Variants in RNF149 observed in about 807,000 individuals in gnomAD.
The protein encoded by RNF149 is ring finger protein 149, also known as E3 ubiquitin-protein ligase RNF149.
A neutral mutation model predicts 39.0 loss-of-function variants in RNF149; 21 were observed. The ratio of observed to expected loss-of-function variants is 0.54; its 90% confidence interval spans 0.38 to 0.77. The LOEUF (loss-of-function observed/expected upper bound fraction) is 0.77. RNF149 is among the 30% of genes least tolerant of loss of function. RNF149 has a pLI of 0.00. For missense variants in RNF149, 493 were observed against 534.9 expected (o/e 0.92, Z 0.77); for synonymous variants, 209 against 213.6 (o/e 0.98, Z 0.19).
In RNF149 at chr2:101,308,388, G is replaced by C; in HGVS notation, c.201C>G (p.Ser67Arg). The change falls in exon 1 of 7, where the codon AGC becomes AGG. Residue 67 changes from serine to arginine, a missense_variant. Transcript: ENST00000295317. ...SVSESGRFGD[S>R]SPKEGAHGLV... Reference sequence around the variant, plus strand: ...GGCCATGCGCGCCCTCCTTGGGCGAGCTGTCGCCGAAGCGGCCACTCTCCG... The same window carrying C: ...GGCCATGCGCGCCCTCCTTGGGCGACCTGTCGCCGAAGCGGCCACTCTCCG... 6.2e-7 allele frequency: 1 copy of C among 1,609,934 alleles called. No homozygotes were observed. Among genetic ancestry groups the C allele is most frequent in the Non-Finnish European group, 8.5e-7 (1 of 1,179,004 alleles).
At chr2:101,286,046 G>C (rs1347785622) in intron 5 of RNF149, 35 bp downstream of exon 5, 2 of 1,208,462 alleles carry the variant, frequency 1.7e-6, no homozygotes, top group South Asian at 2.5e-5. Context: ...GAAGAACTGG[G>C]GCAGAGATTG....
intron 1 of RNF149, among the ~76,000 whole-genome samples, chr2:101,302,171 A>G (rs527676110): frequency 7.2e-5 from 11 of 152,244 alleles, no homozygotes; most frequent in Middle Eastern, 6.8e-3. Context: ...GGTCTCCCTC[A>G]CTAGACAAGT....
At chr2:101,277,593 T>C (rs1358441050) in intron 6 of RNF149, among the ~76,000 whole-genome samples, 2 of 152,148 alleles carry the variant, frequency 1.3e-5, no homozygotes, top group African/African-American at 4.8e-5. Context: ...TTCACCATGT[T>C]GGCCAGGCTA....
At chr2:101,305,887 T>C (rs958179863) in intron 1 of RNF149, among the ~76,000 whole-genome samples, 6 of 152,098 alleles carry the variant, frequency 3.9e-5, no homozygotes, top group Non-Finnish European at 8.8e-5. Context: ...TTGGGAAGAG[T>C]GAGTCACTCT....
intron 1 of RNF149, among the ~76,000 whole-genome samples, chr2:101,298,312 C>G (rs62153993): frequency 0.031 from 4,681 of 152,214 alleles, 101 homozygotes; most frequent in Non-Finnish European, 0.048. Flanking sequence ...GTAGTCCCAG[C>G]TACTAGGGAG....
intron 1 of RNF149, among the ~76,000 whole-genome samples, chr2:101,296,983 C>T (rs932959272): frequency 6.6e-6 from 1 of 151,980 alleles, no homozygotes; most frequent in Non-Finnish European, 1.5e-5. Context: ...CTGAGGCGGG[C>T]GGATCACCTG....
At chr2:101,277,795 C>A (rs1013473044) in intron 6 of RNF149, among the ~76,000 whole-genome samples, 11 of 152,178 alleles carry the variant, frequency 7.2e-5, no homozygotes, top group African/African-American at 2.4e-4. Context: ...AGTTTTCTAG[C>A]ATTAGCCTAG....
chr2:101,306,791 C>T (rs1044992173), intron 1 of RNF149, among the ~76,000 whole-genome samples: 3 of 152,314 alleles, frequency 2.0e-5, no homozygotes, highest in Non-Finnish European at 4.4e-5. Flanking sequence ...CTACCTTTCC[C>T]ATCACTTCAC....
intron 5 of RNF149, among the ~76,000 whole-genome samples, chr2:101,285,248 T>C (rs548997918): frequency 4.7e-4 from 72 of 152,184 alleles, no homozygotes; most frequent in Admixed American, 1.6e-3. Context: ...TAATAGATTG[T>C]ATGAAGACTC....
At chr2:101,283,902 G>A (rs934784291) in intron 5 of RNF149, among the ~76,000 whole-genome samples, 3 of 152,140 alleles carry the variant, frequency 2.0e-5, no homozygotes, top group Non-Finnish European at 2.9e-5. Context: ...AAACTACTGA[G>A]TAATGAAGAA....
At chr2:101,302,940 A>G (rs1489954879) in intron 1 of RNF149, among the ~76,000 whole-genome samples, 2 of 150,908 alleles carry the variant, frequency 1.3e-5, no homozygotes, top group Non-Finnish European at 2.9e-5. Context: ...TGATGGTGCC[A>G]TTGCACTCCA....
At position 101,276,825 on chromosome 2, in the gene RNF149, T is replaced by C. The variant is rs1682361692; in HGVS notation, c.*413A>G. 1 of 991,018 alleles carries C rather than the reference T, an allele frequency of 1.0e-6. No homozygotes were observed. Among genetic ancestry groups the C allele is most frequent in the African/African-American group, 1.7e-5 (1 of 57,314 alleles). 61.4% of individuals were successfully genotyped at this position (991,018 alleles called of 1,614,324 possible). Reference sequence around the variant, plus strand: ...CTCCAGGGAAAGCCCATGAGATCAATTATCGAATTGAATTATACAATTCCA... The same window carrying C: ...CTCCAGGGAAAGCCCATGAGATCAACTATCGAATTGAATTATACAATTCCA... On this transcript the variant is annotated 3_prime_UTR_variant, in exon 7 of 7. Coordinates refer to ENST00000295317, the MANE Select transcript of RNF149 (RefSeq NM_173647.4).
rs1558779178 is a variant in RNF149, at chr2:101,282,063, G to C, written c.961-6C>G. On this transcript the variant is annotated splice_region_variant and splice_polypyrimidine_tract_variant and intron_variant, in intron 5 of 6. Coordinates refer to ENST00000295317, the MANE Select transcript of RNF149 (RefSeq NM_173647.4). ...TGTACATCCCCAGGCTCTCCCTTGAGAATTAGAACAGAAGAAAAAACATGA... is the reference window on the plus strand; with the variant it reads ...TGTACATCCCCAGGCTCTCCCTTGACAATTAGAACAGAAGAAAAAACATGA... The C allele has an allele frequency of 5.6e-6, 9 of 1,613,458 alleles. No individual in the cohort carries two copies. Among genetic ancestry groups the C allele is most frequent in the Admixed American group, 1.7e-5 (1 of 59,922 alleles).
chr2:101,298,573 T>C (rs1228173883), intron 1 of RNF149, among the ~76,000 whole-genome samples: 1 of 152,198 alleles, frequency 6.6e-6, no homozygotes, highest in Non-Finnish European at 1.5e-5. Context: ...GTAGCAGCTC[T>C]GTAAGTACTG....
At chr2:101,291,109 C>A (rs971457580) in intron 3 of RNF149, among the ~76,000 whole-genome samples, 39 of 152,176 alleles carry the variant, frequency 2.6e-4, no homozygotes, top group Non-Finnish European at 1.9e-4. Context: ...ATGTGCACCA[C>A]CTGTCAATAT....
rs558582732 is a variant in RNF149 at position 101,298,382 on chromosome 2, G to A, written c.461-3201C>T. Among the ~76,000 whole-genome samples, 83 of 152,168 alleles carry A rather than the reference G, an allele frequency of 5.5e-4. 1 individual carries two copies. The South Asian group carries it at 0.016, about 29-fold the overall frequency. On this transcript the variant is annotated intron_variant, in intron 1 of 6. Coordinates refer to ENST00000295317, the MANE Select transcript of RNF149 (RefSeq NM_173647.4). ...AGAGGTTGCAGTGAGCTGAGATCAC[G>A]CTACTGTACTCCAGCCTGGGCAACA...
chr2:101,286,248 T>C lies in RNF149; in HGVS notation c.864-71A>G, dbSNP rs1020794978. 4 of 858,430 alleles carry C rather than the reference T, an allele frequency of 4.7e-6. No homozygotes were observed. In the East Asian group the frequency reaches 7.8e-5, roughly 17 times the overall value. 53.2% of individuals were successfully genotyped at this position (858,430 alleles called of 1,614,324 possible). ...TATAACTTATAAAGGAAATAAGACA[T>C]TGTACCAACTCATCCTCTCATTACA... is the stretch of plus-strand genomic sequence containing the variant. On this transcript the variant is annotated intron_variant, in intron 4 of 6. Transcript: ENST00000295317.
At chr2:101,292,893 A>G (rs1345148704) in intron 3 of RNF149, among the ~76,000 whole-genome samples, 1 of 151,860 alleles carries the variant, frequency 6.6e-6, no homozygotes, top group African/African-American at 2.4e-5. Flanking sequence ...TGTCACAGGG[A>G]TTAACTGGAA....
intron 3 of RNF149, among the ~76,000 whole-genome samples, chr2:101,289,344 A>T (rs1199317141): frequency 2.0e-5 from 3 of 152,184 alleles, no homozygotes; most frequent in African/African-American, 7.2e-5. Context: ...AGCCATGTGC[A>T]CCACCTGTCA....
Sources: gnomAD v4.1 joint callset for allele counts (sites outside exome capture counted in the v4.1 genomes callset) on GRCh38, gnomAD v4.1.1 for gene constraint, MANE v1.5 for transcripts, NCBI Gene and HGNC (gene_info 2026-07-23, HGNC 2026-07-21) for gene names.